Variants in MYRIP observed in about 807,000 individuals in gnomAD.
MYRIP encodes the protein myosin VIIA and Rab interacting protein, also known as rab effector MyRIP.
Under a neutral mutation model 98.0 loss-of-function variants are expected in MYRIP, and 49 were observed. That is an observed-to-expected ratio of 0.50 (90% confidence interval 0.40 to 0.63). The LOEUF (loss-of-function observed/expected upper bound fraction) is 0.63, where lower values mean the gene tolerates loss of function less well. Ranked by LOEUF, MYRIP falls within the 30% of genes least tolerant of loss-of-function variation. The pLI is 0.00. For synonymous variants in MYRIP, 404 were observed against 409.5 expected (o/e 0.99, Z 0.16); for missense variants, 1,004 against 1,058.2 (o/e 0.95, Z 0.71).
chr3:40,192,328 C>CTCAT (rs752909125), intron 10 of MYRIP, among the ~76,000 whole-genome samples: 1 of 37,844 alleles, frequency 2.6e-5, no homozygotes, highest in Non-Finnish European at 4.2e-5. Flanking sequence ...ATATATATGT[C>CTCAT]ATATATATAT....
chr3:39,902,678 A>T (rs1943772261), intron 2 of MYRIP, among the ~76,000 whole-genome samples: 1 of 152,206 alleles, frequency 6.6e-6, no homozygotes, highest in Non-Finnish European at 1.5e-5. Flanking sequence ...GTCATGCTTC[A>T]TCTCCTGGAA....
At chr3:40,154,188 C>A (rs1363268404) in intron 4 of MYRIP, among the ~76,000 whole-genome samples, 1 of 151,996 alleles carries the variant, frequency 6.6e-6, no homozygotes, top group African/African-American at 2.4e-5. Flanking sequence ...CACAGTCTCA[C>A]GTATCACCCA....
chr3:40,029,578 C>T (rs777718768), intron 2 of MYRIP, among the ~76,000 whole-genome samples: 35 of 152,108 alleles, frequency 2.3e-4, no homozygotes, highest in Non-Finnish European at 2.2e-4. Flanking sequence ...TTTCTAAATC[C>T]AGTAGCAGGG....
In MYRIP at chr3:40,250,428, T is replaced by C. The variant is rs1264461956; in HGVS notation, c.2368-11T>C. On this transcript the variant is annotated splice_polypyrimidine_tract_variant and intron_variant, in intron 14 of 16. Transcript: ENST00000302541. ...TGCAAAGGTATATTGCTCATTGTGT[T>C]CTGTTTGTAGGTACAAACCATAGAT... The C allele has an allele frequency of 6.2e-7, 1 of 1,614,136 alleles. No individual in the cohort carries two copies. The highest frequency in any genetic ancestry group is 1.7e-5 in the Admixed American group (1 of 60,010).
intron 1 of MYRIP, among the ~76,000 whole-genome samples, chr3:39,860,227 G>A (rs1423355509): frequency 6.6e-6 from 1 of 152,180 alleles, no homozygotes; most frequent in Non-Finnish European, 1.5e-5. Context: ...CAGGTGAGGA[G>A]CAACCTGCTC....
intron 1 of MYRIP, among the ~76,000 whole-genome samples, chr3:39,844,576 T>C (rs562093185): frequency 1.3e-5 from 2 of 152,294 alleles, no homozygotes; most frequent in East Asian, 3.9e-4. Flanking sequence ...GCCTGATTGC[T>C]TATATACCAT....
At chr3:40,232,448 C>T (rs1371780755) in intron 11 of MYRIP, among the ~76,000 whole-genome samples, 1 of 152,178 alleles carries the variant, frequency 6.6e-6, no homozygotes. Context: ...AAATAGAATT[C>T]ACTCGGAGGA....
chr3:40,051,385 T>G (rs1947791529), intron 3 of MYRIP, among the ~76,000 whole-genome samples: 1 of 152,176 alleles, frequency 6.6e-6, no homozygotes, highest in Non-Finnish European at 1.5e-5. Flanking sequence ...AGCAATAATG[T>G]ATTTTAATTA....
chr3:40,192,507 T>C (rs1951264503), intron 10 of MYRIP, among the ~76,000 whole-genome samples: 1 of 151,778 alleles, frequency 6.6e-6, no homozygotes, highest in Non-Finnish European at 1.5e-5. Context: ...GCATTTGGTG[T>C]GAATCCATGC....
intron 9 of MYRIP, among the ~76,000 whole-genome samples, chr3:40,188,526 C>G (rs1951099701): frequency 6.6e-6 from 1 of 152,000 alleles, no homozygotes; most frequent in Non-Finnish European, 1.5e-5. Flanking sequence ...GCCTGTAATC[C>G]CAGCACTTTG....
intron 12 of MYRIP, among the ~76,000 whole-genome samples, chr3:40,237,276 C>G (rs1952850612): frequency 6.6e-6 from 1 of 152,162 alleles, no homozygotes; most frequent in Admixed American, 6.5e-5. Context: ...TCCATCTTTT[C>G]TGTTCACTCA....
intron 2 of MYRIP, among the ~76,000 whole-genome samples, chr3:39,974,338 A>G (rs1479875991): frequency 2.0e-5 from 3 of 152,168 alleles, no homozygotes; most frequent in Non-Finnish European, 4.4e-5. Flanking sequence ...ACACCCTCCT[A>G]AGACTAAACC....
intron 2 of MYRIP, among the ~76,000 whole-genome samples, chr3:40,042,502 C>T (rs1009467950): frequency 3.9e-5 from 6 of 151,924 alleles, no homozygotes; most frequent in African/African-American, 7.2e-5. Flanking sequence ...AAGGGCAGAA[C>T]GGGAGAATAT....
chr3:40,079,115 T>C (rs943010803), intron 3 of MYRIP, among the ~76,000 whole-genome samples: 21 of 152,290 alleles, frequency 1.4e-4, no homozygotes, highest in African/African-American at 4.6e-4. Context: ...AAAAATATGC[T>C]CCCTTGTTGT....
intron 2 of MYRIP, among the ~76,000 whole-genome samples, chr3:40,022,735 T>C (rs1389811997): frequency 1.3e-5 from 2 of 152,058 alleles, no homozygotes; most frequent in Non-Finnish European, 2.9e-5. Context: ...TAATGCAAGA[T>C]TAAAGCCTGA....
chr3:40,061,030 T>C (rs2125848402), intron 3 of MYRIP, among the ~76,000 whole-genome samples: 1 of 152,338 alleles, frequency 6.6e-6, no homozygotes, highest in Non-Finnish European at 1.5e-5. Context: ...CTTCATTATA[T>C]TATGCATTTC....
chr3:40,016,805 A>G (rs78607501), intron 2 of MYRIP, among the ~76,000 whole-genome samples: 5 of 152,212 alleles, frequency 3.3e-5, no homozygotes, highest in African/African-American at 1.2e-4. Flanking sequence ...ACGTGCAGTC[A>G]GTTAAAGTTT....
rs1424079510 is a variant in MYRIP at position 40,244,627 on chromosome 3, C to T, written c.2262+20C>T. 2 of 1,600,472 alleles carry T rather than the reference C, an allele frequency of 1.2e-6. No individual in the cohort carries two copies. Among genetic ancestry groups the T allele is most frequent in the Admixed American group, 1.7e-5 (1 of 58,766 alleles). On this transcript the variant is annotated intron_variant, in intron 13 of 16. Transcript: ENST00000302541. ...CTCCAGGTGAGAACTCTCCTCTCTG[C>T]CCACATGGGTCCTGCAGGGTGAAAC...
Position 40,189,996 on chromosome 3 carries a change from G to T in MYRIP, c.1198G>T (p.Asp400Tyr), listed in dbSNP as rs778730905. The change falls in exon 10 of 17, where the codon GAC (aspartate) becomes TAC (tyrosine). Residue 400 changes from aspartate to tyrosine, a missense_variant. By Grantham distance (160) the Asp-to-Tyr change is radical (BLOSUM62 -3). This residue lies in a region of MYRIP where 880 missense variants were observed against 907.7 expected (regional missense o/e 0.97). Coordinates refer to ENST00000302541, the MANE Select transcript of MYRIP (RefSeq NM_015460.4). ...TGAGATGGGCTCCGATAGCGAGGAA[G>T]ACTTTGACTGGAGTGAGGCCTTGAG... ...YDEMGSDSEE[D>Y]FDWSEALSKL... 5 of 1,614,178 alleles carry T rather than the reference G, an allele frequency of 3.1e-6. No individual in the cohort carries two copies. The Admixed American group carries it at 8.3e-5, about 27-fold the overall frequency.
Sources: allele counts gnomAD v4.1 joint callset (sites outside exome capture counted in the v4.1 genomes callset), GRCh38; gene constraint gnomAD v4.1.1; regional missense constraint gnomAD v4.1.1; transcripts MANE v1.5; gene names NCBI Gene and HGNC (gene_info 2026-07-23, HGNC 2026-07-21).